Variants in SLC12A6 observed in about 807,000 individuals in gnomAD.
The protein encoded by SLC12A6 is solute carrier family 12 member 6.
SLC12A6 carries 66 observed loss-of-function variants against 135.3 expected under a neutral mutation model. That is an observed-to-expected ratio of 0.49 (90% CI 0.40 to 0.60). The LOEUF is 0.60. Among genes scored for constraint, SLC12A6 ranks in the 20% least tolerant of loss-of-function variants. SLC12A6 has a pLI of 0.00. For missense variants in SLC12A6, 1,058 were observed against 1,452.3 expected, an observed-to-expected ratio of 0.73 and a Z score of 4.41; for synonymous variants, 513 against 508.8, an observed-to-expected ratio of 1.01 and a Z score of -0.11.
intron 8 of SLC12A6, among the ~76,000 whole-genome samples, chr15:34,254,841 T>C (rs1349770435): frequency 6.6e-6 from 1 of 151,812 alleles, no homozygotes; most frequent in Non-Finnish European, 1.5e-5. Flanking sequence ...AAGGAACAAA[T>C]TATTAATTTT....
At chr15:34,277,778 A>G (rs1018880110) in intron 2 of SLC12A6, among the ~76,000 whole-genome samples, 2 of 152,194 alleles carry the variant, frequency 1.3e-5, no homozygotes, top group Non-Finnish European at 1.5e-5. Flanking sequence ...AGTCACTAAT[A>G]TGAATACCTT....
intron 2 of SLC12A6, among the ~76,000 whole-genome samples, chr15:34,309,680 T>C (rs1288154915): frequency 6.6e-6 from 1 of 152,222 alleles, no homozygotes; most frequent in Non-Finnish European, 1.5e-5. Context: ...AGGTCTTAGA[T>C]ATAGTAAACA....
chr15:34,231,479 A>C lies in SLC12A6; in HGVS notation c.*2402T>G, dbSNP rs1358437517. ...AAATAATGCTTCTACCATCTGTAGG[A>C]AGTAACAGAAAAAAAGACTTAAGAT... On this transcript the variant is annotated 3_prime_UTR_variant, in exon 26 of 26. Transcript: ENST00000354181. 6.6e-6 allele frequency: 1 copy of C among 152,080 alleles called. No homozygotes were observed. The highest frequency in any genetic ancestry group is 2.4e-5 in the African/African-American group (1 of 41,404). 9.4% of individuals were successfully genotyped at this position (152,080 alleles called of 1,614,324 possible).
intron 2 of SLC12A6, among the ~76,000 whole-genome samples, chr15:34,312,529 G>A (rs1338915872): frequency 6.6e-6 from 1 of 152,198 alleles, no homozygotes; most frequent in Non-Finnish European, 1.5e-5. Flanking sequence ...GTTAAGTACT[G>A]TTTCTGAGCA....
chr15:34,239,001 G>C lies in SLC12A6; in HGVS notation c.2596C>G (p.Gln866Glu). ...VVMGWPNGWR[Q>E]SEDARAWKTF... ...TTCCAAGCGCGGGCATCTTCGCTTT[G>C]ACGCCAGCCATTAGGCCAGCCCATC... The change falls in exon 20 of 26, where the codon CAA becomes GAA. Residue 866 changes from glutamine (Q) to glutamate (E), a missense_variant. Around this residue, in one of 6 missense-constraint regions of SLC12A6, gnomAD observed 245 missense variants for 440.8 expected, o/e 0.56. Coordinates refer to ENST00000354181, the MANE Select transcript of SLC12A6 (RefSeq NM_001365088.1). 1 of 1,614,192 alleles carries C rather than the reference G, an allele frequency of 6.2e-7. No individual in the cohort carries two copies. The highest frequency in any genetic ancestry group is 8.5e-7 in the Non-Finnish European group (1 of 1,180,022).
At chr15:34,284,272 CTTTTCTTTTT>C (rs1894884631) in intron 2 of SLC12A6, among the ~76,000 whole-genome samples, 1 of 118,976 alleles carries the variant, frequency 8.4e-6, no homozygotes, top group East Asian at 2.4e-4. Flanking sequence ...TTCTTTGTTT[CTTTTCTTTTT>C]TTTTTTTTTT....
intron 16 of SLC12A6, among the ~76,000 whole-genome samples, chr15:34,242,984 C>T (rs1891748871): frequency 6.6e-6 from 1 of 152,154 alleles, no homozygotes; most frequent in South Asian, 2.1e-4. Context: ...ACCTCCGACT[C>T]CCGGGTTCAA....
chr15:34,254,639 G>A (rs768920313), intron 8 of SLC12A6, 50 bp from the exon 9 acceptor site: 7 of 1,384,672 alleles, frequency 5.1e-6, no homozygotes, highest in Admixed American at 3.4e-5. Context: ...AAATAATTAA[G>A]TAAAAAGGCT....
intron 2 of SLC12A6, among the ~76,000 whole-genome samples, chr15:34,333,368 T>A (rs1403852444): frequency 6.6e-6 from 1 of 152,012 alleles, no homozygotes; most frequent in Non-Finnish European, 1.5e-5. Context: ...CAGCTGGGAT[T>A]ACAGGCGCAC....
intron 6 of SLC12A6, among the ~76,000 whole-genome samples, chr15:34,256,746 C>T (rs2705348): frequency 0.57 from 86,398 of 152,096 alleles, 27,139 homozygotes; most frequent in Admixed American, 0.7. Flanking sequence ...GTATAGAATG[C>T]GCTGCAGATA....
chr15:34,321,153 G>A (rs181822466), intron 2 of SLC12A6, among the ~76,000 whole-genome samples: 31 of 152,234 alleles, frequency 2.0e-4, no homozygotes, highest in African/African-American at 6.7e-4. Context: ...AATGCCCTGA[G>A]GTAGGCAACA....
rs1479856858 is a variant in SLC12A6 at position 34,242,092 on chromosome 15, CCA to C, written c.2162+8_2162+9del. 1 of 1,602,048 alleles carries C rather than the reference CCA, an allele frequency of 6.2e-7. No homozygotes were observed. The highest frequency in any genetic ancestry group is 1.7e-4 in the Middle Eastern group (1 of 6,034). On this transcript the variant is annotated splice_region_variant and intron_variant, in intron 17 of 25. Coordinates refer to ENST00000354181, the MANE Select transcript of SLC12A6 (RefSeq NM_001365088.1). Reference sequence around the variant, plus strand: ...CTTTTAGCAGTGATCAAGATTAAATCCACACTCACCCTTGGTATTCAATGTAC... The same window carrying C: ...CTTTTAGCAGTGATCAAGATTAAATCCACTCACCCTTGGTATTCAATGTAC...
chr15:34,315,336 A>T (rs957242579), intron 2 of SLC12A6, among the ~76,000 whole-genome samples: 6 of 152,186 alleles, frequency 3.9e-5, no homozygotes, highest in African/African-American at 1.4e-4. Context: ...TGCAGCAGCC[A>T]TCAACATTGA....
At chr15:34,239,247 CT>C in intron 19 of SLC12A6, 87 bp from the exon 20 acceptor site, 8 of 1,013,210 alleles carry the variant, frequency 7.9e-6, no homozygotes, top group Middle Eastern at 2.9e-4. Context: ...TATCCCCCAC[CT>C]TTTTCCAAAG....
chr15:34,328,959 C>T (rs567470215), intron 2 of SLC12A6, among the ~76,000 whole-genome samples: 1 of 152,300 alleles, frequency 6.6e-6, no homozygotes, highest in East Asian at 1.9e-4. Flanking sequence ...CAGAGAATAG[C>T]TTCTTGTTTT....
intron 2 of SLC12A6, among the ~76,000 whole-genome samples, chr15:34,297,660 TGAA>T (rs1250174482): frequency 2.0e-5 from 3 of 152,072 alleles, no homozygotes; most frequent in African/African-American, 2.4e-5. Context: ...AGTGTGAACT[TGAA>T]GGAGGATTTT....
chr15:34,326,886 T>G (rs1348446575), intron 2 of SLC12A6, among the ~76,000 whole-genome samples: 3 of 139,956 alleles, frequency 2.1e-5, no homozygotes, highest in South Asian at 2.4e-4. Flanking sequence ...TTTTTTTTTT[T>G]GTAGAGATGA....
rs1273633425 is a variant in SLC12A6, at chr15:34,253,971, C to T, written c.1118+377G>A. Among the ~76,000 whole-genome samples, 7 of 152,194 alleles carry T rather than the reference C, an allele frequency of 4.6e-5. No individual in the cohort carries two copies. In the South Asian group the frequency reaches 6.2e-4, roughly 13 times the overall value. ...GTGGCTCACGCCTGTAATCCCAGCA[C>T]GTCGGGAGGCCAAGGTGGGCCTTAT... On this transcript the variant is annotated intron_variant, in intron 9 of 25. Coordinates refer to ENST00000354181, the MANE Select transcript of SLC12A6 (RefSeq NM_001365088.1).
chr15:34,336,697 A>T lies in SLC12A6; in HGVS notation c.-17T>A. 6.2e-7 allele frequency: 1 copy of T among 1,613,436 alleles called. No homozygotes were observed. Among genetic ancestry groups the T allele is most frequent in the Non-Finnish European group, 8.5e-7 (1 of 1,179,358 alleles). On this transcript the variant is annotated 5_prime_UTR_variant, in exon 2 of 26. Coordinates refer to ENST00000354181, the MANE Select transcript of SLC12A6 (RefSeq NM_001365088.1). ...AGGATGCATTTTGTTCTTTTTAAGA[A>T]CAAAAAAAGTGGGGGGAACCTCGCA... is the stretch of plus-strand genomic sequence containing the variant.
Sources: gnomAD v4.1 joint callset for allele counts (sites outside exome capture counted in the v4.1 genomes callset) on GRCh38, gnomAD v4.1.1 for gene constraint, gnomAD v4.1.1 regional missense constraint, MANE v1.5 for transcripts, NCBI Gene and HGNC (gene_info 2026-07-23, HGNC 2026-07-21) for gene names.